The following PGR variants were observed in gnomAD, a reference collection of about 807,000 sequenced individuals.
PGR encodes progesterone receptor, also known as nuclear receptor subfamily 3 group C member 3.
In PGR, 25 loss-of-function variants were observed where a neutral mutation model predicts 76.1. The observed-to-expected ratio is 0.33, with a 90% CI of 0.24 to 0.46. The LOEUF (loss-of-function observed/expected upper bound fraction) is 0.46, where lower values mean the gene tolerates loss of function less well. Among genes scored for constraint, PGR ranks in the 20% least tolerant of loss-of-function variants. The pLI is 1.00. For missense variants in PGR, 1,172 were observed against 1,225.3 expected (o/e 0.96, Z 0.65); for synonymous variants, 579 against 535.0 (o/e 1.08, Z -1.14).
chr11:101,111,924 C>T (rs1239507286), intron 2 of PGR, among the ~76,000 whole-genome samples: 1 of 152,064 alleles, frequency 6.6e-6, no homozygotes, highest in Non-Finnish European at 1.5e-5. Flanking sequence ...AGCACTGGAC[C>T]CTCTCATATT....
chr11:101,030,119 A>G lies in PGR; in HGVS notation c.*8997T>C, dbSNP rs1295908035. The G allele has an allele frequency of 2.7e-5, 6 of 219,636 alleles. 1 individual carries two copies. In the Middle Eastern group the frequency reaches 4.2e-3, roughly 156 times the overall value. The allele number at this position is 219,636 out of a possible 1,614,324, so 13.6% of individuals were successfully genotyped here. A position where few individuals can be genotyped will look rare whatever the true frequency, so the allele number is the denominator to read the frequency against. ...ATCTTTAAAAGTATAACTCTGGACA[A>G]TGTACTTAGGGACCTACTACTTACT... is the stretch of plus-strand genomic sequence containing the variant. On this transcript the variant is annotated 3_prime_UTR_variant, in exon 8 of 8. Coordinates refer to ENST00000325455, the MANE Select transcript of PGR (RefSeq NM_000926.4).
chr11:101,035,790 T>A lies in PGR; in HGVS notation c.*3326A>T, dbSNP rs1859490922. 1 of 232,170 alleles carries A rather than the reference T, an allele frequency of 4.3e-6. No individual in the cohort carries two copies. Among genetic ancestry groups the A allele is most frequent in the Non-Finnish European group, 8.5e-6 (1 of 117,398 alleles). The allele number at this position is 232,170 out of a possible 1,614,324, so 14.4% of individuals were successfully genotyped here. A position where few individuals can be genotyped will look rare whatever the true frequency, so the allele number is the denominator to read the frequency against. ...GAATACTTCCAGCCCTAATTTCAAA[T>A]GAATTCAACCAAATATATCATAGCA... On this transcript the variant is annotated 3_prime_UTR_variant, in exon 8 of 8. Coordinates refer to ENST00000325455, the MANE Select transcript of PGR (RefSeq NM_000926.4).
intron 2 of PGR, among the ~76,000 whole-genome samples, chr11:101,115,118 T>C (rs1456209435): frequency 1.3e-5 from 2 of 152,170 alleles, no homozygotes; most frequent in African/African-American, 4.8e-5. Context: ...ATAATTTATA[T>C]ATAATCGTAA....
At chr11:101,099,416 G>A (rs1474733795) in intron 2 of PGR, among the ~76,000 whole-genome samples, 1 of 152,108 alleles carries the variant, frequency 6.6e-6, no homozygotes, top group Non-Finnish European at 1.5e-5. Context: ...TGATTGGAAG[G>A]GGCAAAATGG....
intron 3 of PGR, among the ~76,000 whole-genome samples, chr11:101,079,337 A>T (rs1316050320): frequency 6.6e-6 from 1 of 152,148 alleles, no homozygotes; most frequent in African/African-American, 2.4e-5. Flanking sequence ...ATGTGAAGAG[A>T]CAAAGAATGA....
chr11:101,128,289 G>T lies in PGR; in HGVS notation c.782C>A (p.Ala261Glu). 1 of 1,590,910 alleles carries T rather than the reference G, an allele frequency of 6.3e-7. No individual in the cohort carries two copies. The highest frequency in any genetic ancestry group is 8.5e-7 in the Non-Finnish European group (1 of 1,174,854). ...GGAAAVPPGAAAGGVALVPKE... is the reference protein window; with the variant it reads ...GGAAAVPPGAEAGGVALVPKE... ...GGGGACCAGGGCGACGCCTCCTGCT[G>T]CCGCCCCCGGCGGGACAGCCGCGGC... Residue 261 changes from alanine to glutamate, a missense_variant, in exon 1 of 8, where the codon GCA becomes GAA. Physicochemically the swap from Ala to Glu is moderately radical, Grantham distance 107. Around this residue, in one of 4 missense-constraint regions of PGR, gnomAD observed 893 missense variants for 785.9 expected, o/e 1.14. Transcript: ENST00000325455.
chr11:101,045,662 A>ATT lies in PGR; in HGVS notation c.2489-3562_2489-3561dup, dbSNP rs1417920129. Among the ~76,000 whole-genome samples the ATT allele has an allele frequency of 4.7e-3, 536 of 114,650 alleles. 3 individuals are homozygous for ATT. Among genetic ancestry groups the ATT allele is most frequent in the African/African-American group, 0.016 (510 of 31,322 alleles). 75.2% of individuals were successfully genotyped at this position (114,650 alleles called of 152,430 possible). A position where few individuals can be genotyped will look rare whatever the true frequency, so the allele number is the denominator to read the frequency against. On this transcript the variant is annotated intron_variant, in intron 6 of 7. Transcript: ENST00000325455. ...CTTTTTGATTGCTGAATACTATTCC[A>ATT]TTTTGTGTGTGTGTGTGTGTGTGTG...
At chr11:101,049,896 A>T (rs778258265) in intron 6 of PGR, 33 bp downstream of exon 6, 1 of 1,571,310 alleles carries the variant, frequency 6.4e-7, no homozygotes, top group East Asian at 2.3e-5. Flanking sequence ...AAGAAACTAG[A>T]TATCTTGCAT....
At chr11:101,076,948 G>C (rs1410717112) in intron 3 of PGR, among the ~76,000 whole-genome samples, 1 of 52,258 alleles carries the variant, frequency 1.9e-5, no homozygotes, top group African/African-American at 6.4e-5. Flanking sequence ...TTTTTTTTGC[G>C]ACAGAGTTTG....
intron 3 of PGR, among the ~76,000 whole-genome samples, chr11:101,074,228 C>T (rs1861042588): frequency 6.6e-6 from 1 of 152,118 alleles, no homozygotes; most frequent in Non-Finnish European, 1.5e-5. Flanking sequence ...ACAAAAACCA[C>T]ATGATTATCT....
chr11:101,046,015 C>G (rs1165044084), intron 6 of PGR, among the ~76,000 whole-genome samples: 1 of 151,970 alleles, frequency 6.6e-6, no homozygotes, highest in Non-Finnish European at 1.5e-5. Context: ...CCAACCAATC[C>G]CTATATTTCC....
intron 2 of PGR, among the ~76,000 whole-genome samples, chr11:101,092,373 G>T (rs2135457612): frequency 6.6e-6 from 1 of 152,152 alleles, no homozygotes; most frequent in Middle Eastern, 3.4e-3. Context: ...TCCCAGAGCT[G>T]GTTCTCTCTT....
chr11:101,049,880 T>C (rs905954464), intron 6 of PGR, 49 bp downstream of exon 6: 2 of 1,513,894 alleles, frequency 1.3e-6, no homozygotes, highest in East Asian at 4.5e-5. Context: ...ACTTTTCTAA[T>C]GAATTAAGAA....
chr11:101,062,364 T>G, intron 4 of PGR, 83 bp downstream of exon 4: 1 of 1,009,362 alleles, frequency 9.9e-7, no homozygotes. Context: ...ATTTACTGCA[T>G]AGAGTGTTTT....
rs189353478 is a variant in PGR at position 101,034,602 on chromosome 11, T to A, written c.*4514A>T. 5.2e-5 allele frequency: 9 copies of A among 172,508 alleles called. No individual in the cohort carries two copies. Among genetic ancestry groups the A allele is most frequent in the African/African-American group, 1.9e-4 (8 of 42,194 alleles). The allele number at this position is 172,508 out of a possible 1,614,324, so 10.7% of individuals were successfully genotyped here. Reference sequence around the variant, plus strand: ...CTTCTTTTCAGCTTTTAAGGCCACATTGATTCTAGGCCGAACTTTAGAAGT... The same window carrying A: ...CTTCTTTTCAGCTTTTAAGGCCACAATGATTCTAGGCCGAACTTTAGAAGT... On this transcript the variant is annotated 3_prime_UTR_variant, in exon 8 of 8. Transcript: ENST00000325455.
chr11:101,112,654 G>T (rs1284122610), intron 2 of PGR, among the ~76,000 whole-genome samples: 2 of 152,104 alleles, frequency 1.3e-5, no homozygotes, highest in Non-Finnish European at 2.9e-5. Context: ...AGAATGAGGG[G>T]ACTGTCTGCA....
At chr11:101,067,119 G>A (rs1232931111) in intron 3 of PGR, among the ~76,000 whole-genome samples, 1 of 152,074 alleles carries the variant, frequency 6.6e-6, no homozygotes, top group Admixed American at 6.6e-5. Context: ...TGCCCATCTT[G>A]CCCTTGAAGT....
chr11:101,127,806 G>A lies in PGR; in HGVS notation c.1265C>T (p.Pro422Leu), dbSNP rs1005434284. The A allele has an allele frequency of 6.4e-6, 10 of 1,568,992 alleles. No individual in the cohort carries two copies. The highest frequency in any genetic ancestry group is 8.6e-6 in the Non-Finnish European group (10 of 1,165,444). The change falls in exon 1 of 8, where the codon CCG becomes CTG. Residue 422 changes from proline to leucine, a missense_variant. Pro to Leu is a moderately conservative substitution (Grantham distance 98). Transcript: ENST00000325455. ...AAFPDFPLGP[P>L]PPLPPRATPS... ...GGTCGCTCGCGGCGGCAGCGGGGGCGGTGGCCCCAACGGGAAATCCGGGAA... is the reference window on the plus strand; with the variant it reads ...GGTCGCTCGCGGCGGCAGCGGGGGCAGTGGCCCCAACGGGAAATCCGGGAA...
intron 2 of PGR, among the ~76,000 whole-genome samples, chr11:101,119,417 T>C (rs1412330083): frequency 6.6e-6 from 1 of 151,238 alleles, no homozygotes; most frequent in Non-Finnish European, 1.5e-5. Flanking sequence ...GCAAAAGCTC[T>C]ATAACTCAGA....
Sources: gnomAD v4.1 joint callset for allele counts (sites outside exome capture counted in the v4.1 genomes callset) on GRCh38, gnomAD v4.1.1 for gene constraint, gnomAD v4.1.1 regional missense constraint, MANE v1.5 for transcripts, NCBI Gene and HGNC (gene_info 2026-07-23, HGNC 2026-07-21) for gene names.